The following TEC variants were observed in gnomAD, a reference collection of about 807,000 sequenced individuals.
TEC encodes tec protein tyrosine kinase, also known as tyrosine-protein kinase Tec.
TEC carries 72 observed loss-of-function variants against 93.0 expected under a neutral mutation model. The observed-to-expected ratio is 0.77, with a 90% CI of 0.64 to 0.94. The LOEUF (loss-of-function observed/expected upper bound fraction) is 0.94. TEC is among the 40% of genes least tolerant of loss of function. The probability of loss-of-function intolerance (pLI) is 0.00; values close to 1 mark genes in which losing one functional copy is unlikely to be tolerated. For missense variants in TEC, 630 were observed against 757.9 expected (o/e 0.83, Z 1.98); for synonymous variants, 249 against 247.7 (o/e 1.01, Z -0.05).
intron 2 of TEC, among the ~76,000 whole-genome samples, chr4:48,194,273 T>C (rs1722206152): frequency 6.6e-6 from 1 of 152,222 alleles, no homozygotes; most frequent in African/African-American, 2.4e-5. Flanking sequence ...CACTCCCTGC[T>C]TATCTGATGT....
intron 2 of TEC, among the ~76,000 whole-genome samples, chr4:48,222,534 T>C (rs182829623): frequency 6.6e-6 from 1 of 152,132 alleles, no homozygotes; most frequent in East Asian, 1.9e-4. Context: ...TGCTTCTGAG[T>C]GTGTCTGTGA....
In TEC at chr4:48,144,206, C is replaced by A. The variant is rs368461677; in HGVS notation, c.1470+873G>T. Among the ~76,000 whole-genome samples, 8 of 152,160 alleles carry A rather than the reference C, an allele frequency of 5.3e-5. No individual in the cohort carries two copies. The South Asian group carries it at 1.7e-3, about 32-fold the overall frequency. Reference sequence around the variant, plus strand: ...CTCCAGCCTGGAAGACAAAGTGAGACCTGTCTCAAAGGAAAAAAAAATTTT... The same window carrying A: ...CTCCAGCCTGGAAGACAAAGTGAGAACTGTCTCAAAGGAAAAAAAAATTTT... On this transcript the variant is annotated intron_variant, in intron 14 of 17. Coordinates refer to ENST00000381501, the MANE Select transcript of TEC (RefSeq NM_003215.3).
intron 3 of TEC, among the ~76,000 whole-genome samples, chr4:48,173,076 T>C (rs4695349): frequency 0.38 from 57,670 of 152,044 alleles, 11,963 homozygotes; most frequent in East Asian, 0.9. Context: ...TCCAGTTCTT[T>C]CTTAGTGTTA....
At chr4:48,149,237 T>C (rs1577700097) in intron 11 of TEC, among the ~76,000 whole-genome samples, 1 of 152,208 alleles carries the variant, frequency 6.6e-6, no homozygotes, top group East Asian at 1.9e-4. Context: ...TTTAGGTCTT[T>C]GAGGAATCAT....
intron 1 of TEC, among the ~76,000 whole-genome samples, chr4:48,244,849 A>G (rs1724012209): frequency 1.3e-5 from 2 of 152,218 alleles, no homozygotes; most frequent in African/African-American, 4.8e-5. Context: ...GCCATTAGAC[A>G]GCTGACTATG....
intron 2 of TEC, among the ~76,000 whole-genome samples, chr4:48,184,289 C>CTA (rs1721713171): frequency 6.6e-6 from 1 of 152,192 alleles, no homozygotes; most frequent in African/African-American, 2.4e-5. Flanking sequence ...TAAGTGCCAC[C>CTA]TATACCTAAG....
intron 10 of TEC, among the ~76,000 whole-genome samples, chr4:48,149,957 G>A (rs1051033062): frequency 6.6e-6 from 1 of 152,218 alleles, no homozygotes; most frequent in Non-Finnish European, 1.5e-5. Flanking sequence ...ACAGTTGGAA[G>A]TCTTAAAATA....
rs1163941957 is a variant in TEC at position 48,212,120 on chromosome 4, T to A, written c.138+16357A>T. 8.7e-3 allele frequency among the ~76,000 whole-genome samples: 1,059 copies of A among 121,764 alleles called. 7 individuals carry two copies. The highest frequency in any genetic ancestry group is 0.013 in the Non-Finnish European group (735 of 56,836). The allele number at this position is 121,764 out of a possible 152,430, so 79.9% of individuals were successfully genotyped here. A position where few individuals can be genotyped will look rare whatever the true frequency, so the allele number is the denominator to read the frequency against. Reference sequence around the variant, plus strand: ...TCTCAAAAAAAAAAAAATATATATATATATATATATATGTATATAAAAGCA... The same window carrying A: ...TCTCAAAAAAAAAAAAATATATATAAATATATATATATGTATATAAAAGCA... On this transcript the variant is annotated intron_variant, in intron 2 of 17. Transcript: ENST00000381501.
At chr4:48,199,992 A>G (rs1339152785) in intron 2 of TEC, among the ~76,000 whole-genome samples, 1 of 152,174 alleles carries the variant, frequency 6.6e-6, no homozygotes, top group Non-Finnish European at 1.5e-5. Context: ...TGAGAGAAAG[A>G]GACTGAAAAA....
At chr4:48,176,655 G>A (rs1475407091) in intron 2 of TEC, among the ~76,000 whole-genome samples, 1 of 152,202 alleles carries the variant, frequency 6.6e-6, no homozygotes, top group Non-Finnish European at 1.5e-5. Flanking sequence ...ACAGGAGGCA[G>A]AGGTTGTAGT....
chr4:48,228,308 GA>G (rs1185017893), intron 2 of TEC, among the ~76,000 whole-genome samples, 168 bp downstream of exon 2: 2 of 152,130 alleles, frequency 1.3e-5, no homozygotes, highest in African/African-American at 2.4e-5. Flanking sequence ...ATAATTAACA[GA>G]TTTGTTAATT....
chr4:48,175,897 A>T (rs7696119), intron 3 of TEC, among the ~76,000 whole-genome samples, 185 bp downstream of exon 3: 49 of 152,102 alleles, frequency 3.2e-4, no homozygotes, highest in Non-Finnish European at 5.6e-4. Flanking sequence ...TCTTAGCCCC[A>T]ACTCCTTAAG....
At chr4:48,177,859 C>G (rs187740336) in intron 2 of TEC, among the ~76,000 whole-genome samples, 97 of 152,264 alleles carry the variant, frequency 6.4e-4, no homozygotes, top group African/African-American at 2.2e-3. Context: ...TTCCCTTTTA[C>G]TCATTTCTGC....
At chr4:48,141,685 C>CTTT (rs377475900) in intron 14 of TEC, 51 of 203,238 alleles carry the variant, frequency 2.5e-4, no homozygotes, top group Middle Eastern at 1.8e-3. Flanking sequence ...TCTTTTCTTT[C>CTTT]TTTTTTTTTT....
intron 2 of TEC, among the ~76,000 whole-genome samples, chr4:48,204,727 T>C (rs1422515960): frequency 2.0e-5 from 3 of 152,182 alleles, no homozygotes; most frequent in African/African-American, 7.2e-5. Context: ...ATCCCTCACA[T>C]GTGCAGTTCA....
At position 48,145,315 on chromosome 4, in the gene TEC, T is replaced by C. The variant is rs1560373613; in HGVS notation, c.1254-20A>G. 6.2e-7 allele frequency: 1 copy of C among 1,612,696 alleles called. No individual in the cohort carries two copies. The highest frequency in any genetic ancestry group is 8.5e-7 in the Non-Finnish European group (1 of 1,179,020). On this transcript the variant is annotated intron_variant, in intron 13 of 17. Coordinates refer to ENST00000381501, the MANE Select transcript of TEC (RefSeq NM_003215.3). ...AGTTTCCTGGGAAGGAAGACATATA[T>C]ATAGTTACTATAGGAAAAGAAACTA...
Position 48,199,055 on chromosome 4 carries a change from G to A in TEC, c.139-22869C>T, listed in dbSNP as rs189259325. Among the ~76,000 whole-genome samples, 241 of 152,318 alleles carry A rather than the reference G, an allele frequency of 1.6e-3. 1 individual carries two copies. Among genetic ancestry groups the A allele is most frequent in the African/African-American group, 5.7e-3 (235 of 41,562 alleles). The stretch of plus-strand genomic sequence containing the variant: ...TAAATACAAATGGCCTGGCAGGGCA[G>A]GTATTTTCTCCTTTTACAGGTGAAG... On this transcript the variant is annotated intron_variant, in intron 2 of 17. Coordinates refer to ENST00000381501, the MANE Select transcript of TEC (RefSeq NM_003215.3).
chr4:48,203,435 G>A (rs1463813836), intron 2 of TEC, among the ~76,000 whole-genome samples: 2 of 152,152 alleles, frequency 1.3e-5, no homozygotes, highest in African/African-American at 2.4e-5. Flanking sequence ...TCTCAGAACT[G>A]TTCCTCTACA....
At chr4:48,142,273 C>T (rs1034004019) in intron 14 of TEC, among the ~76,000 whole-genome samples, 1 of 152,190 alleles carries the variant, frequency 6.6e-6, no homozygotes, top group Admixed American at 6.5e-5. Context: ...GAGTTCGGGA[C>T]CAGCCTGGCC....
Sources: allele counts gnomAD v4.1 joint callset (sites outside exome capture counted in the v4.1 genomes callset), GRCh38; gene constraint gnomAD v4.1.1; transcripts MANE v1.5; gene names NCBI Gene and HGNC (gene_info 2026-07-23, HGNC 2026-07-21).